Variants in METTL24 observed in about 807,000 individuals in gnomAD.
METTL24 encodes the protein probable methyltransferase-like protein 24.
A neutral mutation model predicts 32.7 loss-of-function variants in METTL24; 29 were observed. The ratio of observed to expected loss-of-function variants is 0.89; its 90% CI spans 0.66 to 1.21. METTL24 has a LOEUF of 1.21. Among genes scored for constraint, METTL24 ranks in the 50% most tolerant of loss-of-function variants. METTL24 has a pLI of 0.00. For missense variants in METTL24, 439 were observed against 468.1 expected, an observed-to-expected ratio of 0.94 and a Z score of 0.57; for synonymous variants, 163 against 179.5, an observed-to-expected ratio of 0.91 and a Z score of 0.73.
intron 3 of METTL24, among the ~76,000 whole-genome samples, chr6:110,309,332 G>C (rs1212751551): frequency 6.6e-6 from 1 of 152,170 alleles, no homozygotes; most frequent in Non-Finnish European, 1.5e-5. Context: ...CCAACTATTA[G>C]AGGGGGAGAA....
intron 4 of METTL24, among the ~76,000 whole-genome samples, chr6:110,267,769 T>C (rs1469120761): frequency 6.6e-6 from 1 of 152,204 alleles, no homozygotes; most frequent in Non-Finnish European, 1.5e-5. Context: ...TGTACAAGCA[T>C]GCCACTGGCA....
At chr6:110,286,742 A>T (rs1582402144) in intron 4 of METTL24, among the ~76,000 whole-genome samples, 1 of 152,340 alleles carries the variant, frequency 6.6e-6, no homozygotes, top group East Asian at 1.9e-4. Flanking sequence ...AAAGGAGATT[A>T]ACATTTGAGT....
chr6:110,307,361 A>G (rs899492158), intron 3 of METTL24, among the ~76,000 whole-genome samples: 8 of 152,236 alleles, frequency 5.3e-5, no homozygotes, highest in African/African-American at 1.7e-4. Context: ...TAAGGAAATC[A>G]TGTTCTGCTG....
chr6:110,335,309 G>A (rs1772191696), intron 1 of METTL24, among the ~76,000 whole-genome samples: 1 of 152,120 alleles, frequency 6.6e-6, no homozygotes, highest in Non-Finnish European at 1.5e-5. Flanking sequence ...CCTCAGCCCA[G>A]GACCCTCTCC....
At chr6:110,337,855 G>A (rs1250173141) in intron 1 of METTL24, among the ~76,000 whole-genome samples, 1 of 152,192 alleles carries the variant, frequency 6.6e-6, no homozygotes, top group Non-Finnish European at 1.5e-5. Flanking sequence ...CAAAGCAGGT[G>A]CTTCAGCAAT....
At chr6:110,258,870 G>C (rs1171730999) in intron 4 of METTL24, among the ~76,000 whole-genome samples, 1 of 151,822 alleles carries the variant, frequency 6.6e-6, no homozygotes, top group South Asian at 2.1e-4. Flanking sequence ...TTTGAGGCAA[G>C]TCTGCAACTC....
At chr6:110,255,374 A>C (rs1038333809) in intron 4 of METTL24, among the ~76,000 whole-genome samples, 1 of 152,180 alleles carries the variant, frequency 6.6e-6, no homozygotes, top group Non-Finnish European at 1.5e-5. Flanking sequence ...TACACAGCCT[A>C]GAAACCCAAG....
At chr6:110,251,400 T>C (rs1778275818) in intron 4 of METTL24, among the ~76,000 whole-genome samples, 1 of 152,194 alleles carries the variant, frequency 6.6e-6, no homozygotes, top group South Asian at 2.1e-4. Flanking sequence ...CATCTGTTAT[T>C]AGATTTGGTT....
chr6:110,321,590 T>G (rs1375630034), intron 2 of METTL24, among the ~76,000 whole-genome samples: 1 of 152,228 alleles, frequency 6.6e-6, no homozygotes, highest in Non-Finnish European at 1.5e-5. Flanking sequence ...AAAATTTCAG[T>G]ATTTTAATTA....
chr6:110,302,306 A>G (rs913121337), intron 3 of METTL24, among the ~76,000 whole-genome samples: 3 of 151,940 alleles, frequency 2.0e-5, no homozygotes, highest in African/African-American at 7.2e-5. Context: ...ATGTCAAAAA[A>G]AGTACTCATT....
At chr6:110,282,678 C>T (rs1771158965) in intron 4 of METTL24, among the ~76,000 whole-genome samples, 1 of 151,106 alleles carries the variant, frequency 6.6e-6, no homozygotes, top group South Asian at 2.1e-4. Context: ...CATTGCTCTC[C>T]TGTGCCAATA....
chr6:110,328,516 T>C (rs751339585), intron 1 of METTL24, among the ~76,000 whole-genome samples: 1 of 152,176 alleles, frequency 6.6e-6, no homozygotes, highest in African/African-American at 2.4e-5. Context: ...ATGGAGATAA[T>C]GGATTTGACT....
intron 1 of METTL24, among the ~76,000 whole-genome samples, chr6:110,324,065 G>T (rs780755283): frequency 2.0e-5 from 3 of 152,118 alleles, no homozygotes; most frequent in Non-Finnish European, 2.9e-5. Flanking sequence ...TGGCCTAGGT[G>T]ACTCGGGGTT....
At chr6:110,333,686 C>A (rs1248584048) in intron 1 of METTL24, among the ~76,000 whole-genome samples, 4 of 152,152 alleles carry the variant, frequency 2.6e-5, no homozygotes, top group Non-Finnish European at 5.9e-5. Context: ...AAATGACCTG[C>A]CCACCTCGGC....
In METTL24 at chr6:110,289,432, G is replaced by C. The variant is rs1771280225; in HGVS notation, c.786+9490C>G. The stretch of plus-strand genomic sequence containing the variant: ...AAGCATGCAAAACTAGAAAAGAACA[G>C]ATGGATAGGAAAAATACCAATTAGA... On this transcript the variant is annotated intron_variant, in intron 4 of 4. Transcript: ENST00000338882. Among the ~76,000 whole-genome samples, 3 of 150,794 alleles carry C rather than the reference G, an allele frequency of 2.0e-5. 1 individual carries two copies. The highest frequency in any genetic ancestry group is 2.0e-4 in the Admixed American group (3 of 15,134).
rs145380856 is a variant in METTL24 at position 110,350,680 on chromosome 6, C to G, written c.318+7275G>C. ...GTGACTCACATCTGTAATCCCAAAA[C>G]TTTGGGAGGCCAAGGTGGGAGGATC... is the stretch of plus-strand genomic sequence containing the variant. On this transcript the variant is annotated intron_variant, in intron 1 of 4. Transcript: ENST00000338882. 3.2e-3 allele frequency among the ~76,000 whole-genome samples: 486 copies of G among 151,758 alleles called. 2 individuals are homozygous for G. Among genetic ancestry groups the G allele is most frequent in the African/African-American group, 0.011 (461 of 41,280 alleles).
At chr6:110,357,050 C>A (rs1348932954) in intron 1 of METTL24, among the ~76,000 whole-genome samples, 1 of 152,082 alleles carries the variant, frequency 6.6e-6, no homozygotes, top group African/African-American at 2.4e-5. Context: ...GGGTGGATGT[C>A]TAAAAGAAAC....
At chr6:110,265,141 GAAAGAAAGAAAGAAA>G (rs1562219849) in intron 4 of METTL24, among the ~76,000 whole-genome samples, 3 of 15,038 alleles carry the variant, frequency 2.0e-4, no homozygotes, top group African/African-American at 1.1e-3. Context: ...AAGAAAGAAA[GAAAGAAAGAAAGAAA>G]GAAAGAAAGA....
At chr6:110,336,158 G>C (rs1362391685) in intron 1 of METTL24, among the ~76,000 whole-genome samples, 1 of 152,162 alleles carries the variant, frequency 6.6e-6, no homozygotes, top group Non-Finnish European at 1.5e-5. Context: ...AGTTAGAAAG[G>C]AGGATTACAA....
Sources: gnomAD v4.1 joint callset for allele counts (sites outside exome capture counted in the v4.1 genomes callset) on GRCh38, gnomAD v4.1.1 for gene constraint, MANE v1.5 for transcripts, NCBI Gene and HGNC (gene_info 2026-07-23, HGNC 2026-07-21) for gene names.